Variants in SAMMSON observed in about 807,000 individuals in gnomAD.
SAMMSON encodes the protein survival associated mitochondrial melanoma specific oncogenic non-coding RNA.
intron 1 of SAMMSON, among the ~76,000 whole-genome samples, chr3:70,004,942 C>T (rs889350605): frequency 6.6e-6 from 1 of 152,188 alleles, no homozygotes; most frequent in African/African-American, 2.4e-5. Flanking sequence ...TTACTGATGA[C>T]AAAATGGAAG....
intron 9 of SAMMSON, among the ~76,000 whole-genome samples, chr3:70,388,936 T>C (rs1701017058): frequency 6.6e-6 from 1 of 152,086 alleles, no homozygotes; most frequent in Non-Finnish European, 1.5e-5. Context: ...GGGGCAAATC[T>C]CTCATCAATA....
chr3:70,043,296 A>G (rs2067112527), intron 3 of SAMMSON, among the ~76,000 whole-genome samples: 2 of 152,064 alleles, frequency 1.3e-5, no homozygotes, highest in Admixed American at 1.3e-4. Flanking sequence ...CTTTAATTTA[A>G]TCTTCAGTAA....
At chr3:70,334,641 T>C (rs1165222885) in intron 7 of SAMMSON, among the ~76,000 whole-genome samples, 3 of 152,110 alleles carry the variant, frequency 2.0e-5, no homozygotes, top group Non-Finnish European at 4.4e-5. Context: ...CTAGGCTCTA[T>C]GCATGATAAC....
intron 3 of SAMMSON, among the ~76,000 whole-genome samples, chr3:70,018,061 T>A (rs915787782): frequency 2.6e-5 from 4 of 152,136 alleles, no homozygotes; most frequent in Non-Finnish European, 5.9e-5. Context: ...TTGTTGTGTC[T>A]CTACCAGGCT....
At chr3:70,265,045 A>C (rs1701903361) in intron 6 of SAMMSON, among the ~76,000 whole-genome samples, 1 of 152,160 alleles carries the variant, frequency 6.6e-6, no homozygotes, top group African/African-American at 2.4e-5. Context: ...ATATCGTGAG[A>C]CTTATTCACT....
intron 2 of SAMMSON, among the ~76,000 whole-genome samples, chr3:70,429,162 C>G (rs989584304): frequency 6.6e-6 from 1 of 151,942 alleles, no homozygotes; most frequent in Admixed American, 6.6e-5. Flanking sequence ...AGAAAGGGGT[C>G]CAGTTTCAGT....
chr3:70,125,902 A>G, intron 4 of SAMMSON: 3 of 697,736 alleles, frequency 4.3e-6, no homozygotes, highest in Admixed American at 2.0e-5. Context: ...TTCACTAGAT[A>G]ATTCCTCATC....
intron 3 of SAMMSON, among the ~76,000 whole-genome samples, chr3:70,053,617 C>G (rs1302294623): frequency 1.3e-5 from 2 of 152,112 alleles, no homozygotes; most frequent in Non-Finnish European, 2.9e-5. Flanking sequence ...ATTTTATGCA[C>G]TCAGTTTTTC....
chr3:70,307,006 AATAGAGAG>A (rs1272997927), intron 7 of SAMMSON, among the ~76,000 whole-genome samples: 1 of 152,112 alleles, frequency 6.6e-6, no homozygotes, highest in African/African-American at 2.4e-5. Flanking sequence ...GAGAGAGACA[AATAGAGAG>A]ATAGAGAGAA....
At chr3:70,421,101 C>T (rs908534643) in intron 2 of SAMMSON, among the ~76,000 whole-genome samples, 7 of 151,964 alleles carry the variant, frequency 4.6e-5, no homozygotes, top group African/African-American at 1.7e-4. Flanking sequence ...GTCTTTCCTC[C>T]CCTAAACAAG....
chr3:70,366,553 T>C lies in SAMMSON; in HGVS notation n.913+8229T>C, dbSNP rs1251925940. On this transcript the variant is annotated intron_variant and non_coding_transcript_variant, in intron 9 of 9. Transcript: ENST00000642114. The stretch of plus-strand genomic sequence containing the variant: ...TTTATCACTGAATAATATTCCACAG[T>C]ATGGATACACCACTGTTTGTTTATT... Among the ~76,000 whole-genome samples the C allele has an allele frequency of 4.1e-5, 6 of 144,800 alleles. No individual in the cohort carries two copies. The East Asian group carries it at 1.2e-3, about 29-fold the overall frequency. 95.0% of individuals were successfully genotyped at this position (144,800 alleles called of 152,430 possible).
At chr3:70,185,575 G>A (rs1701085999) in intron 4 of SAMMSON, among the ~76,000 whole-genome samples, 1 of 152,158 alleles carries the variant, frequency 6.6e-6, no homozygotes, top group Non-Finnish European at 1.5e-5. Context: ...GTCTTTGGCA[G>A]TTGCTTTCTA....
chr3:70,130,182 G>A (rs1216281558), intron 4 of SAMMSON, among the ~76,000 whole-genome samples: 2 of 152,168 alleles, frequency 1.3e-5, no homozygotes, highest in Non-Finnish European at 2.9e-5. Flanking sequence ...TAGATAAATT[G>A]TCTCATTGAT....
chr3:70,392,360 T>C (rs1701056718), downstream of SAMMSON, among the ~76,000 whole-genome samples: 3 of 152,062 alleles, frequency 2.0e-5, no homozygotes, highest in Non-Finnish European at 2.9e-5. Context: ...CAGGATCACA[T>C]AGGAAGTTGC....
At chr3:70,273,400 G>A (rs957065418) in intron 6 of SAMMSON, among the ~76,000 whole-genome samples, 2 of 152,182 alleles carry the variant, frequency 1.3e-5, no homozygotes, top group Non-Finnish European at 2.9e-5. Flanking sequence ...AGTCTTAAAA[G>A]CTTCAGGATG....
At chr3:70,020,385 C>G (rs951268573) in intron 3 of SAMMSON, among the ~76,000 whole-genome samples, 2 of 152,128 alleles carry the variant, frequency 1.3e-5, no homozygotes, top group Admixed American at 1.3e-4. Flanking sequence ...TAGGAAATGA[C>G]CAAAGGAACT....
At chr3:70,027,706 C>G (rs1467918217) in intron 3 of SAMMSON, among the ~76,000 whole-genome samples, 1 of 152,118 alleles carries the variant, frequency 6.6e-6, no homozygotes, top group African/African-American at 2.4e-5. Context: ...CCATTCATCC[C>G]CAGATGTTGC....
chr3:70,417,646 T>C (rs1377075256), intron 2 of SAMMSON, among the ~76,000 whole-genome samples: 1 of 152,166 alleles, frequency 6.6e-6, no homozygotes, highest in African/African-American at 2.4e-5. Context: ...TCTACTACTT[T>C]CTCTGAGTTA....
At chr3:70,067,198 C>T (rs537662277) in intron 3 of SAMMSON, among the ~76,000 whole-genome samples, 16 of 151,938 alleles carry the variant, frequency 1.1e-4, no homozygotes, top group South Asian at 4.2e-4. Context: ...GATTTCCTTA[C>T]GGTATTTTCC....
Sources: gnomAD v4.1 joint callset for allele counts (sites outside exome capture counted in the v4.1 genomes callset) on GRCh38, gnomAD v4.1.1 for gene constraint, MANE v1.5 for transcripts, NCBI Gene and HGNC (gene_info 2026-07-23, HGNC 2026-07-21) for gene names.